The following LRRIQ3 variants were observed in gnomAD, a reference collection of about 807,000 sequenced individuals.
The protein encoded by LRRIQ3 is leucine rich repeats and IQ motif containing 3, also known as leucine-rich repeat and IQ domain-containing protein 3.
LRRIQ3 carries 75 observed loss-of-function variants against 59.3 expected under a neutral mutation model. The ratio of observed to expected loss-of-function variants is 1.26; its 90% CI spans 1.05 to 1.53. The LOEUF (loss-of-function observed/expected upper bound fraction) is 1.53, where lower values mean the gene tolerates loss of function less well. LRRIQ3 is among the 40% of genes most tolerant of loss of function. The pLI is 0.00. For missense variants in LRRIQ3, 831 were observed against 710.0 expected, an observed-to-expected ratio of 1.17 and a Z score of -1.94; for synonymous variants, 250 against 231.3, an observed-to-expected ratio of 1.08 and a Z score of -0.73.
intron 5 of LRRIQ3, among the ~76,000 whole-genome samples, chr1:74,088,231 C>T (rs561549079): frequency 2.3e-4 from 35 of 152,150 alleles, no homozygotes; most frequent in African/African-American, 5.1e-4. Flanking sequence ...ACAAACATTT[C>T]GTAAGTTTTT....
rs1272972341 is a variant in LRRIQ3, at chr1:74,146,038, T to C, written c.707+9695A>G. Among the ~76,000 whole-genome samples, 3 of 152,146 alleles carry C rather than the reference T, an allele frequency of 2.0e-5. No individual in the cohort carries two copies. In the East Asian group the frequency reaches 5.8e-4, roughly 29 times the overall value. On this transcript the variant is annotated intron_variant, in intron 4 of 7. Coordinates refer to ENST00000354431, the MANE Select transcript of LRRIQ3 (RefSeq NM_001105659.2). ...ACAAATATTTATCATTATCTTACAA[T>C]TGCCTATAAAATTTAGTATAGTAAT...
intron 1 of LRRIQ3, among the ~76,000 whole-genome samples, chr1:74,189,204 G>A (rs536121990): frequency 6.6e-6 from 1 of 152,244 alleles, no homozygotes; most frequent in East Asian, 1.9e-4. Flanking sequence ...ATCCATGTGT[G>A]TCTGAAATAG....
intron 5 of LRRIQ3, among the ~76,000 whole-genome samples, chr1:74,098,941 A>G (rs1646489662): frequency 6.6e-6 from 1 of 152,238 alleles, no homozygotes; most frequent in Non-Finnish European, 1.5e-5. Context: ...AAATGCCCAC[A>G]AGACAAAGTA....
intron 4 of LRRIQ3, among the ~76,000 whole-genome samples, chr1:74,152,119 AAGAT>A (rs1238006491): frequency 1.3e-5 from 2 of 152,026 alleles, no homozygotes; most frequent in Non-Finnish European, 2.9e-5. Context: ...AATGAACAAA[AAGAT>A]AGCAAGAAAA....
At chr1:74,122,605 C>T (rs1646876368) in intron 4 of LRRIQ3, among the ~76,000 whole-genome samples, 1 of 152,120 alleles carries the variant, frequency 6.6e-6, no homozygotes, top group African/African-American at 2.4e-5. Context: ...ATAAATGGTG[C>T]TGGGAAAACT....
chr1:74,194,214 AT>A (rs1421415715), intron 1 of LRRIQ3, among the ~76,000 whole-genome samples: 2 of 152,160 alleles, frequency 1.3e-5, no homozygotes, highest in African/African-American at 4.8e-5. Context: ...GTCTCTAAAA[AT>A]AAAAATCCTG....
chr1:74,027,293 A>G (rs1653545517), intron 7 of LRRIQ3, among the ~76,000 whole-genome samples: 1 of 152,120 alleles, frequency 6.6e-6, no homozygotes, highest in Non-Finnish European at 1.5e-5. Flanking sequence ...CGACTCTGTT[A>G]TGGTCTGAAT....
intron 4 of LRRIQ3, among the ~76,000 whole-genome samples, chr1:74,135,890 A>C (rs1047542756): frequency 6.6e-6 from 1 of 151,890 alleles, no homozygotes; most frequent in African/African-American, 2.4e-5. Context: ...TGAAGGAATA[A>C]ATATGAGAGA....
chr1:74,076,116 C>G (rs1451219398), intron 5 of LRRIQ3, among the ~76,000 whole-genome samples: 1 of 151,962 alleles, frequency 6.6e-6, no homozygotes, highest in Non-Finnish European at 1.5e-5. Flanking sequence ...GGTAGGCAAC[C>G]AATAGTCCAT....
At chr1:74,145,272 T>A (rs1477581027) in intron 4 of LRRIQ3, among the ~76,000 whole-genome samples, 1 of 152,140 alleles carries the variant, frequency 6.6e-6, no homozygotes, top group African/African-American at 2.4e-5. Context: ...CAAAAGGGTA[T>A]TCATGACAGC....
chr1:74,091,372 CA>C (rs1204441099), intron 5 of LRRIQ3, among the ~76,000 whole-genome samples: 1 of 151,932 alleles, frequency 6.6e-6, no homozygotes, highest in Non-Finnish European at 1.5e-5. Context: ...ATTGATATTT[CA>C]AATACAATGA....
chr1:74,054,709 T>G (rs992450035), intron 6 of LRRIQ3, among the ~76,000 whole-genome samples: 1 of 148,306 alleles, frequency 6.7e-6, no homozygotes, highest in Non-Finnish European at 1.5e-5. Context: ...GTCCTAAAAG[T>G]TTATTAATTA....
chr1:74,186,788 G>C (rs1217353039), intron 1 of LRRIQ3, among the ~76,000 whole-genome samples: 1 of 151,854 alleles, frequency 6.6e-6, no homozygotes, highest in Non-Finnish European at 1.5e-5. Context: ...CAATCAAAAA[G>C]ATGTCTATTA....
At chr1:74,154,215 T>TGGGC (rs1317589385) in intron 4 of LRRIQ3, among the ~76,000 whole-genome samples, 1 of 108,662 alleles carries the variant, frequency 9.2e-6, no homozygotes, top group Non-Finnish European at 1.7e-5. Flanking sequence ...CACTGCAGCC[T>TGGGC]GGGCGACAGA....
intron 7 of LRRIQ3, among the ~76,000 whole-genome samples, chr1:74,029,150 TC>T (rs1653614879): frequency 6.6e-6 from 1 of 152,120 alleles, no homozygotes; most frequent in South Asian, 2.1e-4. Flanking sequence ...TACAATCACG[TC>T]ATCTGCAAAC....
At chr1:74,070,240 A>G (rs534318167) in intron 6 of LRRIQ3, among the ~76,000 whole-genome samples, 13 of 152,244 alleles carry the variant, frequency 8.5e-5, no homozygotes, top group African/African-American at 1.2e-4. Context: ...ATGACCATCA[A>G]TGGTAGACTG....
At chr1:74,129,255 A>G (rs1277387230) in intron 4 of LRRIQ3, among the ~76,000 whole-genome samples, 1 of 151,976 alleles carries the variant, frequency 6.6e-6, no homozygotes, top group Non-Finnish European at 1.5e-5. Flanking sequence ...CAGCACCTTG[A>G]GTCAGTTACT....
At chr1:74,115,440 T>A (rs1646765037) in intron 4 of LRRIQ3, among the ~76,000 whole-genome samples, 1 of 152,206 alleles carries the variant, frequency 6.6e-6, no homozygotes, top group Non-Finnish European at 1.5e-5. Context: ...GGCTTTTTAA[T>A]GAACTACTGG....
At chr1:74,035,900 T>C (rs1557586860) in intron 7 of LRRIQ3, among the ~76,000 whole-genome samples, 1 of 152,134 alleles carries the variant, frequency 6.6e-6, no homozygotes, top group Non-Finnish European at 1.5e-5. Flanking sequence ...ACCTCTCTAC[T>C]ATAATGGTCT....
Sources: gnomAD v4.1 joint callset for allele counts (sites outside exome capture counted in the v4.1 genomes callset) on GRCh38, gnomAD v4.1.1 for gene constraint, MANE v1.5 for transcripts, NCBI Gene and HGNC (gene_info 2026-07-23, HGNC 2026-07-21) for gene names.